The following NR6A1 variants were observed in gnomAD, a reference collection of about 807,000 sequenced individuals.
NR6A1 encodes retinoic acid receptor-related testis-associated receptor.
NR6A1 carries 7 observed loss-of-function variants against 59.1 expected under a neutral mutation model. The observed-to-expected ratio is 0.12, with a 90% CI of 0.07 to 0.22. The LOEUF (loss-of-function observed/expected upper bound fraction) is 0.22, where lower values mean the gene tolerates loss of function less well. NR6A1 is among the 10% of genes least tolerant of loss of function. The pLI, the probability that NR6A1 is intolerant of heterozygous loss-of-function variation, is 1.00. For synonymous variants in NR6A1, 243 were observed against 236.1 expected (o/e 1.03, Z -0.27); for missense variants, 468 against 611.6 (o/e 0.77, Z 2.48).
intron 2 of NR6A1, among the ~76,000 whole-genome samples, chr9:124,635,201 C>T (rs528097444): frequency 7.8e-4 from 118 of 152,212 alleles, no homozygotes; most frequent in African/African-American, 2.7e-3. Flanking sequence ...TGGAAACCAC[C>T]GACTTTTTAC....
At chr9:124,570,588 G>A (rs903984277) in intron 2 of NR6A1, among the ~76,000 whole-genome samples, 3 of 152,186 alleles carry the variant, frequency 2.0e-5, no homozygotes, top group Non-Finnish European at 4.4e-5. Context: ...TCTCCTCTAT[G>A]TGGGGATCTC....
intron 8 of NR6A1, 38 bp from the exon 9 acceptor site, chr9:124,524,911 A>C: frequency 1.9e-6 from 3 of 1,565,638 alleles, no homozygotes; most frequent in Non-Finnish European, 1.7e-6. Context: ...ACATACAGGG[A>C]ATGGGATGGG....
chr9:124,642,393 C>A (rs192260219), intron 2 of NR6A1, among the ~76,000 whole-genome samples: 1 of 152,292 alleles, frequency 6.6e-6, no homozygotes, highest in Admixed American at 6.5e-5. Flanking sequence ...GATGGTAAGA[C>A]CCATGTAAAT....
intron 1 of NR6A1, among the ~76,000 whole-genome samples, chr9:124,767,519 A>G (rs1261597423): frequency 6.6e-6 from 1 of 152,034 alleles, no homozygotes; most frequent in Admixed American, 6.5e-5. Context: ...AAAAGAAAAA[A>G]AAAAAAAAAA....
chr9:124,727,292 A>G (rs187491497), intron 2 of NR6A1, among the ~76,000 whole-genome samples: 1 of 152,344 alleles, frequency 6.6e-6, no homozygotes, highest in Admixed American at 6.5e-5. Context: ...TACATTTAGG[A>G]TGGCCTTACT....
At chr9:124,599,659 C>A in intron 2 of NR6A1, 1 of 1,103,694 alleles carries the variant, frequency 9.1e-7, no homozygotes. Flanking sequence ...CTCGTAGCTC[C>A]TTCCCTCTGC....
At chr9:124,620,606 C>T (rs1303137967) in intron 2 of NR6A1, among the ~76,000 whole-genome samples, 1 of 152,154 alleles carries the variant, frequency 6.6e-6, no homozygotes, top group Non-Finnish European at 1.5e-5. Flanking sequence ...ATTTATATGA[C>T]ATGTCCAGAA....
chr9:124,611,987 T>C (rs1835765943), intron 2 of NR6A1, among the ~76,000 whole-genome samples: 1 of 151,994 alleles, frequency 6.6e-6, no homozygotes, highest in South Asian at 2.1e-4. Context: ...AGAGAAGAGG[T>C]GCTTGTCTTA....
chr9:124,601,899 G>C (rs944058696), intron 2 of NR6A1, among the ~76,000 whole-genome samples: 6 of 151,974 alleles, frequency 3.9e-5, no homozygotes, highest in African/African-American at 1.2e-4. Context: ...AGTGAACTGT[G>C]ATCACGCCAC....
chr9:124,699,338 T>A (rs1032829979), intron 2 of NR6A1, among the ~76,000 whole-genome samples: 6 of 152,190 alleles, frequency 3.9e-5, no homozygotes, highest in Non-Finnish European at 8.8e-5. Context: ...AAAGAAGGCC[T>A]TTTCTGCATG....
intron 2 of NR6A1, among the ~76,000 whole-genome samples, chr9:124,700,065 G>A (rs1391122544): frequency 6.6e-6 from 1 of 152,040 alleles, no homozygotes; most frequent in African/African-American, 2.4e-5. Context: ...GGCCTGGCTG[G>A]TCTCAAACTC....
chr9:124,665,395 A>C lies in NR6A1; in HGVS notation c.142+67913T>G, dbSNP rs142879486. Among the ~76,000 whole-genome samples, 909 of 152,320 alleles carry C rather than the reference A, an allele frequency of 6.0e-3. 1 individual carries two copies. Among genetic ancestry groups the C allele is most frequent in the African/African-American group, 0.019 (805 of 41,558 alleles). On this transcript the variant is annotated intron_variant, in intron 2 of 9. Transcript: ENST00000487099. ...ATCTTAACAGACTTTCAATGGAGTC[A>C]TCAAGCCATTAAGAAAATAAAATAC...
chr9:124,632,068 T>C (rs948552515), intron 2 of NR6A1, among the ~76,000 whole-genome samples: 3 of 152,258 alleles, frequency 2.0e-5, no homozygotes, highest in Non-Finnish European at 2.9e-5. Context: ...TAGCCTATCA[T>C]TGGTGGGCAT....
chr9:124,522,724 G>T lies in NR6A1; in HGVS notation c.1424C>A (p.Thr475Asn). The change falls in exon 10 of 10, where the codon ACC (threonine) becomes AAC (asparagine). Residue 475 changes from threonine to asparagine, a missense_variant. Thr to Asn is a moderately conservative substitution (Grantham distance 65, BLOSUM62 0). This residue lies in a region of NR6A1 where 176 missense variants were observed against 264.0 expected (regional missense o/e 0.67). Transcript: ENST00000487099. ...LFKVVLHSCK[T>N]SVGKE ...AACAGGTCATTCCTTGCCCACACTG[G>T]TCTTGCAGGAATGCAGCACCACCTT... 1 of 1,585,904 alleles carries T rather than the reference G, an allele frequency of 6.3e-7. No individual in the cohort carries two copies. Among genetic ancestry groups the T allele is most frequent in the Non-Finnish European group, 8.6e-7 (1 of 1,166,272 alleles).
intron 7 of NR6A1, among the ~76,000 whole-genome samples, chr9:124,534,025 G>A (rs1340035808): frequency 6.6e-6 from 1 of 151,074 alleles, no homozygotes; most frequent in Non-Finnish European, 1.5e-5. Context: ...GCCAATAAAG[G>A]TCATTTATTG....
intron 2 of NR6A1, among the ~76,000 whole-genome samples, chr9:124,632,785 T>C (rs912595062): frequency 6.6e-6 from 1 of 152,210 alleles, no homozygotes; most frequent in African/African-American, 2.4e-5. Flanking sequence ...TTTAACCTTT[T>C]AAAATAAAAA....
chr9:124,616,017 G>A lies in NR6A1; in HGVS notation c.143-61447C>T, dbSNP rs372329699. Among the ~76,000 whole-genome samples the A allele has an allele frequency of 7.3e-4, 111 of 151,990 alleles. 3 individuals are homozygous for A. In the South Asian group the frequency reaches 0.023, roughly 31 times the overall value. On this transcript the variant is annotated intron_variant, in intron 2 of 9. Coordinates refer to ENST00000487099, the MANE Select transcript of NR6A1 (RefSeq NM_033334.4). ...TGGGATTACAGGCGTGAGTCACCACGCCCAGCTCATTTCTGTTTTAAAACC... is the reference window on the plus strand; with the variant it reads ...TGGGATTACAGGCGTGAGTCACCACACCCAGCTCATTTCTGTTTTAAAACC...
intron 1 of NR6A1, among the ~76,000 whole-genome samples, chr9:124,761,315 A>G (rs1252698112): frequency 2.6e-5 from 4 of 152,350 alleles, no homozygotes; most frequent in African/African-American, 9.6e-5. Flanking sequence ...GGAAGCCCAA[A>G]TAATTATCTC....
At chr9:124,524,950 C>T in intron 8 of NR6A1, 77 bp from the exon 9 acceptor site, 3 of 1,454,196 alleles carry the variant, frequency 2.1e-6, no homozygotes, top group South Asian at 2.8e-5. Flanking sequence ...ACACCAGCTC[C>T]TTAAATATGT....
Sources: allele counts gnomAD v4.1 joint callset (sites outside exome capture counted in the v4.1 genomes callset), GRCh38; gene constraint gnomAD v4.1.1; regional missense constraint gnomAD v4.1.1; transcripts MANE v1.5; gene names NCBI Gene and HGNC (gene_info 2026-07-23, HGNC 2026-07-21).